Variants in LYRM4 observed in about 807,000 individuals in gnomAD.
LYRM4 encodes the protein LYR motif-containing protein 4.
In LYRM4, 9 loss-of-function variants were observed where a neutral mutation model predicts 11.7. The ratio of observed to expected loss-of-function variants is 0.77; its 90% CI spans 0.46 to 1.34. The LOEUF (loss-of-function observed/expected upper bound fraction) is 1.34, where lower values mean the gene tolerates loss of function less well. Ranked by LOEUF, LYRM4 falls within the 40% of genes most tolerant of loss-of-function variation. The pLI is 0.00. For missense variants in LYRM4, 133 were observed against 112.5 expected (o/e 1.18, Z -0.82); for synonymous variants, 42 against 40.4 (o/e 1.04, Z -0.15).
chr6:5,147,661 G>A (rs1757800088), intron 2 of LYRM4, among the ~76,000 whole-genome samples: 6 of 152,188 alleles, frequency 3.9e-5, no homozygotes, highest in Admixed American at 3.9e-4. Flanking sequence ...AGGAAACAGG[G>A]ATACTAAAAT....
intron 2 of LYRM4, among the ~76,000 whole-genome samples, chr6:5,168,479 C>T (rs957834813): frequency 3.3e-5 from 5 of 152,126 alleles, no homozygotes; most frequent in African/African-American, 4.8e-5. Context: ...CCAAGCATGA[C>T]GACAATGAGA....
intron 1 of LYRM4, 118 bp downstream of exon 1, chr6:5,260,530 C>G: frequency 1.4e-6 from 2 of 1,382,016 alleles, no homozygotes; most frequent in East Asian, 2.5e-5. Context: ...GTCCTTGCCT[C>G]GCAGCCGCCG....
the LYRM4 span, among the ~76,000 whole-genome samples, chr6:5,082,238 GCCT>G: frequency 6.6e-6 from 1 of 152,146 alleles, no homozygotes; most frequent in Non-Finnish European, 1.5e-5. Context: ...GTGGGACTGA[GCCT>G]CTAAGCTGTG....
chr6:5,086,258 G>A, the LYRM4 span: 1 of 1,535,556 alleles, frequency 6.5e-7, no homozygotes, highest in South Asian at 1.2e-5. Context: ...ACCGAGTGGC[G>A]CTCCTTCCTG....
At chr6:5,084,361 A>G in the LYRM4 span, among the ~76,000 whole-genome samples, 2 of 152,126 alleles carry the variant, frequency 1.3e-5, no homozygotes, top group Non-Finnish European at 2.9e-5. Context: ...GGGCGGTGAC[A>G]GCGCAGTCCG....
chr6:5,222,698 A>G (rs1762648368), intron 1 of LYRM4, among the ~76,000 whole-genome samples: 2 of 152,026 alleles, frequency 1.3e-5, no homozygotes, highest in African/African-American at 4.8e-5. Context: ...GATGACTATT[A>G]AAGTAAATTA....
the LYRM4 span, chr6:5,084,851 TG>T: frequency 6.6e-6 from 1 of 152,292 alleles, no homozygotes; most frequent in Non-Finnish European, 1.5e-5. Flanking sequence ...CGGCGCGGAA[TG>T]GGCCTCCTTC....
chr6:5,181,587 G>A (rs1028202954), intron 2 of LYRM4, among the ~76,000 whole-genome samples: 2 of 152,074 alleles, frequency 1.3e-5, no homozygotes, highest in African/African-American at 4.8e-5. Flanking sequence ...TGCTCCTCTA[G>A]GTCTGGTGCC....
the LYRM4 span, among the ~76,000 whole-genome samples, chr6:5,054,987 G>T: frequency 6.6e-6 from 1 of 152,088 alleles, no homozygotes; most frequent in Non-Finnish European, 1.5e-5. Flanking sequence ...GCCTTTTCTG[G>T]AGAGTCTGAC....
rs548380935 is a variant in LYRM4, at chr6:5,179,931, C to A, written c.207+36687G>T. Among the ~76,000 whole-genome samples, 11 of 152,298 alleles carry A rather than the reference C, an allele frequency of 7.2e-5. No homozygotes were observed. In the East Asian group the frequency reaches 1.3e-3, roughly 19 times the overall value. On this transcript the variant is annotated intron_variant, in intron 2 of 2. Transcript: ENST00000330636. ...GCTTATCAATAATTTCTTACTGTGCCTAATCATAGGAGATGTAAGTATGGC... is the reference window on the plus strand; with the variant it reads ...GCTTATCAATAATTTCTTACTGTGCATAATCATAGGAGATGTAAGTATGGC...
chr6:5,157,446 G>A (rs1198041982), intron 2 of LYRM4, among the ~76,000 whole-genome samples: 1 of 151,048 alleles, frequency 6.6e-6, no homozygotes, highest in Non-Finnish European at 1.5e-5. Flanking sequence ...CACAACCAGT[G>A]AACATTATGA....
chr6:5,063,030 C>T, the LYRM4 span, among the ~76,000 whole-genome samples: 2,375 of 152,218 alleles, frequency 0.016, 72 homozygotes, highest in African/African-American at 0.055. Context: ...ACTGGGTCTG[C>T]TCGTTCACAA....
At chr6:5,119,639 A>AT (rs1480213921) in intron 2 of LYRM4, among the ~76,000 whole-genome samples, 1 of 151,788 alleles carries the variant, frequency 6.6e-6, no homozygotes, top group Non-Finnish European at 1.5e-5. Context: ...ATACAAAAAA[A>AT]TTTAGCTGGA....
intron 2 of LYRM4, among the ~76,000 whole-genome samples, chr6:5,122,626 G>A (rs1581320459): frequency 1.3e-5 from 2 of 152,072 alleles, no homozygotes; most frequent in East Asian, 1.9e-4. Flanking sequence ...CCCTCCTCTC[G>A]CCGACCCAGT....
chr6:5,184,006 C>A (rs894336319), intron 2 of LYRM4, among the ~76,000 whole-genome samples: 1 of 152,182 alleles, frequency 6.6e-6, no homozygotes, highest in African/African-American at 2.4e-5. Flanking sequence ...AACAAAACAT[C>A]ATGTTGCACA....
At chr6:5,061,619 C>T in the LYRM4 span, among the ~76,000 whole-genome samples, 2 of 152,176 alleles carry the variant, frequency 1.3e-5, no homozygotes, top group Non-Finnish European at 2.9e-5. Context: ...CTGAATCTAA[C>T]TACCTGCATG....
chr6:5,125,287 G>C lies in LYRM4; in HGVS notation c.208-15796C>G, dbSNP rs548277644. ...ATCCTCATTCCCTGGCTGGGTGCCAGGCCCTCCCCCAGCTCTCCTCCCTCT... is the reference window on the plus strand; with the variant it reads ...ATCCTCATTCCCTGGCTGGGTGCCACGCCCTCCCCCAGCTCTCCTCCCTCT... On this transcript the variant is annotated intron_variant, in intron 2 of 2. Transcript: ENST00000330636. Among the ~76,000 whole-genome samples, 30 of 152,304 alleles carry C rather than the reference G, an allele frequency of 2.0e-4. No individual in the cohort carries two copies. The South Asian group carries it at 6.2e-3, about 32-fold the overall frequency.
At chr6:5,255,568 T>G (rs1764627713) in intron 1 of LYRM4, among the ~76,000 whole-genome samples, 1 of 152,190 alleles carries the variant, frequency 6.6e-6, no homozygotes, top group Admixed American at 6.5e-5. Context: ...CAGTAATATT[T>G]AAGAACGTAA....
intron 2 of LYRM4, among the ~76,000 whole-genome samples, chr6:5,203,375 C>T (rs1023048908): frequency 6.6e-6 from 1 of 152,154 alleles, no homozygotes; most frequent in Admixed American, 6.5e-5. Context: ...CTTGGTAGGC[C>T]TCCTAATGGC....
Sources: gnomAD v4.1 joint callset for allele counts (sites outside exome capture counted in the v4.1 genomes callset) on GRCh38, gnomAD v4.1.1 for gene constraint, MANE v1.5 for transcripts, NCBI Gene and HGNC (gene_info 2026-07-23, HGNC 2026-07-21) for gene names.